The following GRID2 variants were observed in gnomAD, a reference collection of about 807,000 sequenced individuals.
GRID2 encodes glutamate ionotropic receptor delta type subunit 2.
A neutral mutation model predicts 114.8 loss-of-function variants in GRID2; 33 were observed. The ratio of observed to expected loss-of-function variants is 0.29; its 90% CI spans 0.22 to 0.38. GRID2 has a LOEUF of 0.38. Among genes scored for constraint, GRID2 ranks in the 10% least tolerant of loss-of-function variants. GRID2 has a pLI of 1.00. For missense variants in GRID2, 1,184 were observed against 1,257.7 expected (o/e 0.94, Z 0.89); for synonymous variants, 505 against 449.9 (o/e 1.12, Z -1.55).
At chr4:92,360,330 C>A (rs1004335698) in intron 1 of GRID2, among the ~76,000 whole-genome samples, 1 of 151,924 alleles carries the variant, frequency 6.6e-6, no homozygotes, top group Non-Finnish European at 1.5e-5. Context: ...CCCCACCACT[C>A]CTTGTCCTCT....
At chr4:92,348,020 G>A (rs1305262572) in intron 1 of GRID2, among the ~76,000 whole-genome samples, 1 of 152,180 alleles carries the variant, frequency 6.6e-6, no homozygotes, top group Non-Finnish European at 1.5e-5. Flanking sequence ...CAGTGGCATA[G>A]TCATAGTTCA....
chr4:93,599,578 C>T (rs1739464806), intron 13 of GRID2, among the ~76,000 whole-genome samples: 1 of 152,106 alleles, frequency 6.6e-6, no homozygotes, highest in African/African-American at 2.4e-5. Flanking sequence ...CATTTGCTTC[C>T]ATCAATCTAC....
At chr4:93,526,321 C>T (rs1730894412) in intron 13 of GRID2, among the ~76,000 whole-genome samples, 1 of 152,194 alleles carries the variant, frequency 6.6e-6, no homozygotes, top group South Asian at 2.1e-4. Flanking sequence ...TTCCTGAGGC[C>T]TCCTCAGCCA....
chr4:93,692,889 A>G (rs1370484479), intron 14 of GRID2, among the ~76,000 whole-genome samples: 3 of 152,194 alleles, frequency 2.0e-5, no homozygotes, highest in South Asian at 2.1e-4. Context: ...CATGCAGATT[A>G]TAAGTTGGAA....
rs569363292 is a variant in GRID2 at position 92,933,391 on chromosome 4, C to T, written c.245-151604C>T. On this transcript the variant is annotated intron_variant, in intron 2 of 15. Coordinates refer to ENST00000282020, the MANE Select transcript of GRID2 (RefSeq NM_001510.4). Reference sequence around the variant, plus strand: ...ATATTTCTTATTGGTTAAATCAGTTCTACTGAAAAAATTTTAAATTCTATG... The same window carrying T: ...ATATTTCTTATTGGTTAAATCAGTTTTACTGAAAAAATTTTAAATTCTATG... 2.0e-5 allele frequency among the ~76,000 whole-genome samples: 3 copies of T among 151,366 alleles called. No individual in the cohort carries two copies. The South Asian group carries it at 6.2e-4, about 31-fold the overall frequency.
At chr4:92,737,387 A>G (rs747863023) in intron 2 of GRID2, among the ~76,000 whole-genome samples, 3 of 151,996 alleles carry the variant, frequency 2.0e-5, no homozygotes, top group Non-Finnish European at 4.4e-5. Flanking sequence ...GCCCATTTCA[A>G]TTTTTTTAAG....
intron 4 of GRID2, among the ~76,000 whole-genome samples, chr4:93,138,449 T>C (rs1200321117): frequency 2.0e-5 from 3 of 152,204 alleles, no homozygotes; most frequent in African/African-American, 7.2e-5. Context: ...AATCTCTGTA[T>C]TGCCCCATTA....
intron 13 of GRID2, among the ~76,000 whole-genome samples, chr4:93,554,422 T>G (rs1166452314): frequency 6.9e-6 from 1 of 145,826 alleles, no homozygotes; most frequent in Non-Finnish European, 1.5e-5. Context: ...CTCTTTTTTC[T>G]GCACATAAAT....
intron 13 of GRID2, among the ~76,000 whole-genome samples, chr4:93,619,034 A>T (rs950612225): frequency 6.7e-6 from 1 of 149,150 alleles, no homozygotes; most frequent in Admixed American, 6.6e-5. Flanking sequence ...TTCTAGGTTA[A>T]AAAATTGATT....
intron 8 of GRID2, among the ~76,000 whole-genome samples, chr4:93,305,856 CTA>C (rs58055148): frequency 0.054 from 8,286 of 152,134 alleles, 761 homozygotes; most frequent in African/African-American, 0.19. Flanking sequence ...CATCTCTGAT[CTA>C]TATCCATTAG....
chr4:93,275,079 T>C (rs1407837423), intron 8 of GRID2, among the ~76,000 whole-genome samples: 1 of 151,940 alleles, frequency 6.6e-6, no homozygotes, highest in Admixed American at 6.6e-5. Context: ...ACTTCCCCCT[T>C]TTCTCAGCCT....
intron 2 of GRID2, among the ~76,000 whole-genome samples, chr4:92,741,436 G>T (rs2149331912): frequency 6.6e-6 from 1 of 152,202 alleles, no homozygotes; most frequent in African/African-American, 2.4e-5. Flanking sequence ...TCACTGGTAG[G>T]TCATATAATT....
intron 1 of GRID2, among the ~76,000 whole-genome samples, chr4:92,534,101 A>G (rs6848991): frequency 0.19 from 28,166 of 152,032 alleles, 2,853 homozygotes; most frequent in African/African-American, 0.28. Flanking sequence ...TTTTTGAAGT[A>G]ACTCTTCATA....
chr4:93,549,729 G>C lies in GRID2; in HGVS notation c.2193+34318G>C. ...GAAGTTCTTGTTCATAAAAAGGAGA[G>C]AACTTTTCTGCCAAGCAAATTAATA... On this transcript the variant is annotated intron_variant, in intron 13 of 15. Transcript: ENST00000282020. Among the ~76,000 whole-genome samples the C allele has an allele frequency of 1.3e-5, 2 of 152,068 alleles. 1 individual carries two copies. Among genetic ancestry groups the C allele is most frequent in the Admixed American group, 1.3e-4 (2 of 15,264 alleles).
At chr4:92,663,747 C>G (rs1732634249) in intron 2 of GRID2, among the ~76,000 whole-genome samples, 2 of 151,078 alleles carry the variant, frequency 1.3e-5, no homozygotes, top group African/African-American at 4.8e-5. Flanking sequence ...CTGCAGAACT[C>G]TTTTCATCTT....
intron 8 of GRID2, among the ~76,000 whole-genome samples, chr4:93,350,235 T>C (rs1284203087): frequency 6.6e-6 from 1 of 152,134 alleles, no homozygotes; most frequent in Non-Finnish European, 1.5e-5. Context: ...CTTAGCGTTA[T>C]CCATGCAACC....
At chr4:93,257,946 T>C (rs986387933) in intron 8 of GRID2, among the ~76,000 whole-genome samples, 6 of 148,616 alleles carry the variant, frequency 4.0e-5, no homozygotes, top group African/African-American at 1.0e-4. Flanking sequence ...ATATAAAATA[T>C]GTATATATAC....
chr4:92,369,991 A>G (rs1729045823), intron 1 of GRID2, among the ~76,000 whole-genome samples: 1 of 152,084 alleles, frequency 6.6e-6, no homozygotes, highest in Non-Finnish European at 1.5e-5. Flanking sequence ...ACTTCACTTT[A>G]TTGCACTTTA....
chr4:93,085,787 A>T (rs1730281649), intron 3 of GRID2, among the ~76,000 whole-genome samples: 1 of 152,116 alleles, frequency 6.6e-6, no homozygotes, highest in Non-Finnish European at 1.5e-5. Flanking sequence ...CTAAAATTAT[A>T]TCACCATACA....
Sources: gnomAD v4.1 joint callset for allele counts (sites outside exome capture counted in the v4.1 genomes callset) on GRCh38, gnomAD v4.1.1 for gene constraint, MANE v1.5 for transcripts, NCBI Gene and HGNC (gene_info 2026-07-23, HGNC 2026-07-21) for gene names.